WFDC10B: variants seen among roughly 807,000 people sequenced by gnomAD.
WFDC10B encodes the protein WAP four-disulfide core domain 10B, also known as protein WFDC10B.
A neutral mutation model predicts 2.7 loss-of-function variants in WFDC10B; 1 was observed. The observed-to-expected ratio is 0.38, with a 90% CI of 0.13 to 1.79. The LOEUF (loss-of-function observed/expected upper bound fraction) is 1.79. Among genes scored for constraint, WFDC10B ranks in the 40% most tolerant of loss-of-function variants. The pLI is 0.33. For missense variants in WFDC10B, 71 were observed against 87.8 expected (o/e 0.81, Z 0.76); for synonymous variants, 26 against 32.2 (o/e 0.81, Z 0.65).
intron 2 of WFDC10B, among the ~76,000 whole-genome samples, chr20:45,704,125 A>G (rs1984288302): frequency 6.6e-6 from 1 of 152,242 alleles, no homozygotes. Flanking sequence ...TGTTCACCAC[A>G]TACACCATTG....
At chr20:45,687,860 T>TTTTTTATTATTATTATTATTA (rs1555805538) in intron 2 of WFDC10B, among the ~76,000 whole-genome samples, 1 of 145,342 alleles carries the variant, frequency 6.9e-6, no homozygotes, top group African/African-American at 2.6e-5. Flanking sequence ...TGTCTTTTCT[T>TTTTTTATTATTATTATTATTA]TTATTATTAT....
At chr20:45,689,293 C>A (rs1983731429) in intron 2 of WFDC10B, among the ~76,000 whole-genome samples, 1 of 151,758 alleles carries the variant, frequency 6.6e-6, no homozygotes, top group Non-Finnish European at 1.5e-5. Flanking sequence ...CAGCTTTGTT[C>A]TTTTGGCTTA....
chr20:45,699,755 T>G (rs921882509), intron 2 of WFDC10B, among the ~76,000 whole-genome samples: 1 of 152,212 alleles, frequency 6.6e-6, no homozygotes, highest in African/African-American at 2.4e-5. Context: ...CTTGGCTCAC[T>G]GCAACCTCTG....
chr20:45,702,452 G>A (rs1049868533), intron 2 of WFDC10B, among the ~76,000 whole-genome samples: 6 of 152,202 alleles, frequency 3.9e-5, no homozygotes, highest in African/African-American at 1.2e-4. Flanking sequence ...GATAATGCAT[G>A]CAGACATAGC....
intron 2 of WFDC10B, among the ~76,000 whole-genome samples, chr20:45,699,820 A>T (rs1452332635): frequency 6.6e-6 from 1 of 152,214 alleles, no homozygotes; most frequent in Non-Finnish European, 1.5e-5. Context: ...CTGGGACTAC[A>T]GGCATGTGCC....
chr20:45,684,736 CTGATGATT>C lies in WFDC10B; in HGVS notation c.*86_*93del. On this transcript the variant is annotated 3_prime_UTR_variant, in exon 4 of 4. Coordinates refer to ENST00000330523, the MANE Select transcript of WFDC10B (RefSeq NM_172006.2). ...TGGCATTCCTGTTGATGTTCTTGTG[CTGATGATT>C]TGATGTCCTTGTGCTTCGGATGTGG... 1.3e-6 allele frequency: 2 copies of C among 1,524,188 alleles called. No individual in the cohort carries two copies. The highest frequency in any genetic ancestry group is 1.8e-6 in the Non-Finnish European group (2 of 1,121,912). The allele number at this position is 1,524,188 out of a possible 1,614,324, so 94.4% of individuals were successfully genotyped here.
In WFDC10B at chr20:45,685,974, G is replaced by T; in HGVS notation, c.19C>A (p.Leu7Met). Residue 7 changes from leucine to methionine, a missense_variant, in exon 3 of 4, where the codon CTG becomes ATG. Transcript: ENST00000330523. ...AGCACACAGAGAACCAGGACAAGCA[G>T]CAGAGTCTGGGGTGCCATAACTCTG... MAPQTL[L>M]LVLVLCVLLL... 1 of 1,614,078 alleles carries T rather than the reference G, an allele frequency of 6.2e-7. No homozygotes were observed. Among genetic ancestry groups the T allele is most frequent in the Admixed American group, 1.7e-5 (1 of 59,984 alleles).
chr20:45,696,892 GA>G (rs1306416201), intron 2 of WFDC10B, among the ~76,000 whole-genome samples: 2 of 151,760 alleles, frequency 1.3e-5, no homozygotes, highest in African/African-American at 2.4e-5. Context: ...AACTGATACA[GA>G]AAAAGCATTT....
At chr20:45,686,166 T>C in intron 2 of WFDC10B, 110 bp from the exon 3 acceptor site, 1 of 1,329,232 alleles carries the variant, frequency 7.5e-7, no homozygotes, top group Non-Finnish European at 1.0e-6. Flanking sequence ...TGCCTTCTCC[T>C]GGCCCTGTCC....
At chr20:45,685,139 T>C (rs1983566142) in intron 3 of WFDC10B, among the ~76,000 whole-genome samples, 179 bp from the exon 4 acceptor site, 1 of 152,070 alleles carries the variant, frequency 6.6e-6, no homozygotes, top group African/African-American at 2.4e-5. Flanking sequence ...GTATCTTAAA[T>C]CCTGTCTCCC....
rs1012688586 is a variant in WFDC10B, at chr20:45,691,201, T to G, written c.-64-5145A>C. Among the ~76,000 whole-genome samples the G allele has an allele frequency of 8.5e-5, 13 of 152,286 alleles. 1 individual carries two copies. Among genetic ancestry groups the G allele is most frequent in the African/African-American group, 2.6e-4 (11 of 41,570 alleles). On this transcript the variant is annotated intron_variant, in intron 2 of 3. Transcript: ENST00000330523. ...TTTGATTGCACTGTGATCTGAGAGATAGTTTGTTATAATTTCTGTTCTTTT... is the reference window on the plus strand; with the variant it reads ...TTTGATTGCACTGTGATCTGAGAGAGAGTTTGTTATAATTTCTGTTCTTTT...
chr20:45,702,134 T>A (rs747829338), intron 2 of WFDC10B: 8 of 1,613,102 alleles, frequency 5.0e-6, no homozygotes, highest in African/African-American at 4.0e-5. Flanking sequence ...ATGAAGCCTG[T>A]GCTGCCTCTC....
intron 2 of WFDC10B, among the ~76,000 whole-genome samples, chr20:45,701,393 A>C (rs186072100): frequency 6.6e-6 from 1 of 152,184 alleles, no homozygotes; most frequent in Non-Finnish European, 1.5e-5. Context: ...TGGAAAGTTA[A>C]CTTCTCTACA....
At chr20:45,689,129 T>A (rs563811402) in intron 2 of WFDC10B, among the ~76,000 whole-genome samples, 1 of 147,700 alleles carries the variant, frequency 6.8e-6, no homozygotes, top group Non-Finnish European at 1.5e-5. Flanking sequence ...TTTCTCAGGT[T>A]TGTCAAAGAT....
chr20:45,691,904 G>C (rs1354151800), intron 2 of WFDC10B, among the ~76,000 whole-genome samples: 1 of 152,152 alleles, frequency 6.6e-6, no homozygotes, highest in Non-Finnish European at 1.5e-5. Context: ...TATTTTGCTT[G>C]TTAGTTGATG....
chr20:45,698,979 AAGAAGAAGG>A (rs920406266), intron 2 of WFDC10B, among the ~76,000 whole-genome samples: 1 of 147,006 alleles, frequency 6.8e-6, no homozygotes, highest in African/African-American at 2.5e-5. Context: ...AAAAAAAAAA[AAGAAGAAGG>A]AGGAGAAGGA....
intron 2 of WFDC10B, among the ~76,000 whole-genome samples, chr20:45,689,687 A>AT (rs1386999769): frequency 6.6e-6 from 1 of 152,096 alleles, no homozygotes; most frequent in East Asian, 1.9e-4. Flanking sequence ...TTGAACATTG[A>AT]TTTTCTATCC....
At chr20:45,697,437 T>A (rs1984011994) in intron 2 of WFDC10B, among the ~76,000 whole-genome samples, 1 of 135,584 alleles carries the variant, frequency 7.4e-6, no homozygotes, top group East Asian at 2.4e-4. Context: ...CAGGCTGGAG[T>A]GCAGTGGCAT....
chr20:45,696,285 C>CAAA (rs368423161), intron 2 of WFDC10B, among the ~76,000 whole-genome samples: 18 of 48,120 alleles, frequency 3.7e-4, no homozygotes, highest in Admixed American at 8.4e-4. Context: ...GACTCCGTCT[C>CAAA]AAAAAAAAAA....
Sources: gnomAD v4.1 joint callset for allele counts (sites outside exome capture counted in the v4.1 genomes callset) on GRCh38, gnomAD v4.1.1 for gene constraint, MANE v1.5 for transcripts, NCBI Gene and HGNC (gene_info 2026-07-23, HGNC 2026-07-21) for gene names.